FRMD6: variants seen among roughly 807,000 people sequenced by gnomAD.
FRMD6 encodes FERM domain-containing protein 6.
A neutral mutation model predicts 73.2 loss-of-function variants in FRMD6; 37 were observed. That is an observed-to-expected ratio of 0.51 (90% confidence interval 0.39 to 0.66). FRMD6 has a LOEUF of 0.66. Ranked by LOEUF, FRMD6 falls within the 30% of genes least tolerant of loss-of-function variation. FRMD6 has a pLI of 0.00. For missense variants in FRMD6, 714 were observed against 780.5 expected, an observed-to-expected ratio of 0.91 and a Z score of 1.02; for synonymous variants, 273 against 282.2, an observed-to-expected ratio of 0.97 and a Z score of 0.33.
At chr14:51,692,550 G>T (rs547496377) in intron 2 of FRMD6, among the ~76,000 whole-genome samples, 1 of 152,078 alleles carries the variant, frequency 6.6e-6, no homozygotes, top group African/African-American at 2.4e-5. Flanking sequence ...TGAAGGGAAG[G>T]CTAATCTGAC....
chr14:51,562,499 G>T (rs1951515061), intron 1 of FRMD6, among the ~76,000 whole-genome samples: 2 of 152,224 alleles, frequency 1.3e-5, no homozygotes, highest in Admixed American at 1.3e-4. Context: ...ATGAGTACGA[G>T]TGGGAAGTCA....
At chr14:51,527,793 G>A (rs1372044276) in intron 1 of FRMD6, among the ~76,000 whole-genome samples, 1 of 152,162 alleles carries the variant, frequency 6.6e-6, no homozygotes, top group African/African-American at 2.4e-5. Context: ...AGAGACAGAT[G>A]GTGAGGCATA....
the FRMD6 span, among the ~76,000 whole-genome samples, chr14:51,481,095 C>A: frequency 1.3e-5 from 2 of 152,162 alleles, no homozygotes; most frequent in Admixed American, 6.5e-5. Flanking sequence ...ATCACACTTA[C>A]CCATCATTCA....
intron 2 of FRMD6, among the ~76,000 whole-genome samples, chr14:51,597,218 AT>A (rs1426288507): frequency 6.6e-6 from 1 of 152,226 alleles, no homozygotes; most frequent in Non-Finnish European, 1.5e-5. Context: ...TAGAGAGCTT[AT>A]CTTATGTTTA....
chr14:51,420,904 G>A, the FRMD6 span, among the ~76,000 whole-genome samples: 3 of 152,118 alleles, frequency 2.0e-5, no homozygotes, highest in Non-Finnish European at 4.4e-5. Flanking sequence ...CTCCCGATTA[G>A]CTGGGACTAC....
At chr14:51,705,465 G>A (rs563011507) in intron 6 of FRMD6, among the ~76,000 whole-genome samples, 1 of 151,786 alleles carries the variant, frequency 6.6e-6, no homozygotes, top group Non-Finnish European at 1.5e-5. Context: ...TTCTCTTCCC[G>A]TCCTTCCTCC....
intron 1 of FRMD6, among the ~76,000 whole-genome samples, chr14:51,506,300 GA>G: frequency 6.6e-6 from 1 of 152,262 alleles, no homozygotes; most frequent in East Asian, 1.9e-4. Context: ...TCAGCGCCCA[GA>G]ACATTTTATA....
At chr14:51,416,403 G>A in the FRMD6 span, among the ~76,000 whole-genome samples, 13 of 152,168 alleles carry the variant, frequency 8.5e-5, no homozygotes, top group African/African-American at 2.7e-4. Context: ...CCTTCATTTC[G>A]TTATTTACCC....
At position 51,720,418 on chromosome 14, in the gene FRMD6, T is replaced by C. The variant is rs769132386; in HGVS notation, c.1360+28T>C. ...AACAGTACTGTCCCCTCACTGGCTC[T>C]CTGTTTAGTCTCCCAGTTTTTTCAA... is the stretch of plus-strand genomic sequence containing the variant. On this transcript the variant is annotated intron_variant, in intron 11 of 13. Transcript: ENST00000344768. The C allele has an allele frequency of 2.5e-6, 4 of 1,602,328 alleles. No homozygotes were observed. In the Admixed American group the frequency reaches 6.7e-5, roughly 27 times the overall value.
chr14:51,704,554 G>GT, intron 5 of FRMD6, 195 bp from the exon 6 acceptor site: 1 of 540,634 alleles, frequency 1.8e-6, no homozygotes, highest in Non-Finnish European at 3.3e-6. Flanking sequence ...CTGATTTGGG[G>GT]TTCTGACCCC....
At position 51,727,837 on chromosome 14, in the gene FRMD6, A is replaced by G. The variant is rs775624021; in HGVS notation, c.1677A>G (p.Ala559=). The change falls in exon 14 of 14, where the codon GCA becomes GCG. Residue 559 remains alanine (A), a synonymous_variant. Coordinates refer to ENST00000344768, the MANE Select transcript of FRMD6 (RefSeq NM_001267046.2). ...ACCAGAAAGACTTCCTGCGCATTGC[A>G]GGTCTGTGTCAGGACACTGCTCAGA... ...RLYQKDFLRI[A]GLCQDTAQSY... is the part of the protein sequence containing the mutation. The G allele has an allele frequency of 6.2e-7, 1 of 1,614,162 alleles. No individual in the cohort carries two copies. The highest frequency in any genetic ancestry group is 8.5e-7 in the Non-Finnish European group (1 of 1,179,990).
intron 2 of FRMD6, among the ~76,000 whole-genome samples, chr14:51,619,801 A>G (rs907784601): frequency 6.6e-6 from 1 of 152,202 alleles, no homozygotes; most frequent in African/African-American, 2.4e-5. Flanking sequence ...GCTGGATTCC[A>G]TATGTTTTCT....
At chr14:51,617,703 A>G (rs1178401716) in intron 2 of FRMD6, among the ~76,000 whole-genome samples, 1 of 152,192 alleles carries the variant, frequency 6.6e-6, no homozygotes, top group Non-Finnish European at 1.5e-5. Flanking sequence ...ATATATTAAG[A>G]GAACAATAAA....
intron 2 of FRMD6, among the ~76,000 whole-genome samples, chr14:51,622,206 A>G (rs1250063594): frequency 2.0e-5 from 3 of 152,242 alleles, no homozygotes; most frequent in African/African-American, 2.4e-5. Flanking sequence ...AAGTGTTTCT[A>G]TGTAAGAACA....
chr14:51,438,121 G>T, the FRMD6 span, among the ~76,000 whole-genome samples: 2 of 152,228 alleles, frequency 1.3e-5, no homozygotes, highest in Non-Finnish European at 2.9e-5. Context: ...GGTTGGAGAT[G>T]TTTGGGTTAA....
intron 11 of FRMD6, among the ~76,000 whole-genome samples, 188 bp from the exon 12 acceptor site, chr14:51,721,761 G>GGGAGGGAGGGAAGGAA: frequency 7.3e-6 from 1 of 137,340 alleles, no homozygotes; most frequent in South Asian, 2.4e-4. Flanking sequence ...GAAGGAAGGA[G>GGGAGGGAGGGAAGGAA]GGAAGGAGGG....
At chr14:51,569,855 G>T (rs925405084) in intron 1 of FRMD6, among the ~76,000 whole-genome samples, 8 of 149,500 alleles carry the variant, frequency 5.4e-5, no homozygotes, top group Admixed American at 4.7e-4. Context: ...TGGCTCTGTC[G>T]CCCAGGCTGG....
At chr14:51,442,165 C>G in the FRMD6 span, among the ~76,000 whole-genome samples, 10 of 152,168 alleles carry the variant, frequency 6.6e-5, no homozygotes, top group Non-Finnish European at 1.0e-4. Flanking sequence ...TTGTGGATGA[C>G]AGTGACTTTA....
intron 2 of FRMD6, among the ~76,000 whole-genome samples, chr14:51,624,338 A>G (rs1384599865): frequency 6.6e-6 from 1 of 152,204 alleles, no homozygotes; most frequent in Non-Finnish European, 1.5e-5. Context: ...AGAGAATTTT[A>G]TCTGAAACTT....
Sources: gnomAD v4.1 joint callset for allele counts (sites outside exome capture counted in the v4.1 genomes callset) on GRCh38, gnomAD v4.1.1 for gene constraint, MANE v1.5 for transcripts, NCBI Gene and HGNC (gene_info 2026-07-23, HGNC 2026-07-21) for gene names.